LRRIQ3: variants seen among roughly 807,000 people sequenced by gnomAD.
The protein encoded by LRRIQ3 is leucine rich repeats and IQ motif containing 3, also known as leucine-rich repeat and IQ domain-containing protein 3.
Under a neutral mutation model 59.3 loss-of-function variants are expected in LRRIQ3, and 75 were observed. The observed-to-expected ratio is 1.26, with a 90% CI of 1.05 to 1.53. LRRIQ3 has a LOEUF of 1.53. Among genes scored for constraint, LRRIQ3 ranks in the 40% most tolerant of loss-of-function variants. The pLI, the probability that LRRIQ3 is intolerant of heterozygous loss-of-function variation, is 0.00. For synonymous variants in LRRIQ3, 250 were observed against 231.3 expected (o/e 1.08, Z -0.73); for missense variants, 831 against 710.0 (o/e 1.17, Z -1.94).
chr1:74,110,645 T>C (rs1646682525), intron 4 of LRRIQ3, among the ~76,000 whole-genome samples: 1 of 152,064 alleles, frequency 6.6e-6, no homozygotes. Context: ...ATTACCATTA[T>C]TATTCAATAG....
chr1:74,172,244 A>G (rs1447366077), intron 3 of LRRIQ3, among the ~76,000 whole-genome samples: 3 of 152,016 alleles, frequency 2.0e-5, no homozygotes, highest in Non-Finnish European at 2.9e-5. Flanking sequence ...CCCTTATCAT[A>G]CTGCTTTTAC....
intron 6 of LRRIQ3, among the ~76,000 whole-genome samples, chr1:74,043,590 A>C (rs1293266733): frequency 6.6e-6 from 1 of 152,156 alleles, no homozygotes; most frequent in African/African-American, 2.4e-5. Context: ...CTGAGGAGCC[A>C]AAGTGTCAAA....
intron 3 of LRRIQ3, among the ~76,000 whole-genome samples, chr1:74,169,450 T>C (rs1269012406): frequency 1.3e-5 from 2 of 152,204 alleles, no homozygotes; most frequent in East Asian, 1.9e-4. Flanking sequence ...CTGGATCATA[T>C]GATAGCTCTA....
At chr1:74,051,007 C>T (rs1255654541) in intron 6 of LRRIQ3, among the ~76,000 whole-genome samples, 5 of 152,134 alleles carry the variant, frequency 3.3e-5, no homozygotes, top group Non-Finnish European at 5.9e-5. Context: ...CATCTTACAT[C>T]TCACATGTAA....
intron 4 of LRRIQ3, among the ~76,000 whole-genome samples, chr1:74,151,311 G>C (rs1488396938): frequency 2.0e-5 from 3 of 152,212 alleles, no homozygotes; most frequent in African/African-American, 4.8e-5. Context: ...CTTTTTAAAG[G>C]CACTGTGGGA....
intron 3 of LRRIQ3, among the ~76,000 whole-genome samples, chr1:74,168,271 T>C (rs1437870584): frequency 6.6e-6 from 1 of 152,082 alleles, no homozygotes; most frequent in Non-Finnish European, 1.5e-5. Context: ...TATTGTTTAA[T>C]GCATCCCCAT....
intron 5 of LRRIQ3, among the ~76,000 whole-genome samples, chr1:74,103,423 T>C (rs1021993240): frequency 1.3e-5 from 2 of 151,882 alleles, no homozygotes; most frequent in Non-Finnish European, 1.5e-5. Flanking sequence ...AAAGGACAAT[T>C]TTTAGAGTAG....
At chr1:74,102,029 G>T (rs1434573192) in intron 5 of LRRIQ3, among the ~76,000 whole-genome samples, 1 of 151,166 alleles carries the variant, frequency 6.6e-6, no homozygotes, top group Non-Finnish European at 1.5e-5. Context: ...TGCACGTTGT[G>T]CACATGTACC....
intron 3 of LRRIQ3, among the ~76,000 whole-genome samples, chr1:74,165,832 A>G (rs1364306666): frequency 2.0e-5 from 3 of 151,074 alleles, no homozygotes; most frequent in Non-Finnish European, 3.0e-5. Flanking sequence ...AATTGGTATG[A>G]CATCTCTTCT....
chr1:74,176,038 C>T (rs934741277), intron 3 of LRRIQ3, among the ~76,000 whole-genome samples: 1 of 152,030 alleles, frequency 6.6e-6, no homozygotes, highest in African/African-American at 2.4e-5. Flanking sequence ...TTTCGTTTAC[C>T]CATATTTTTG....
At chr1:74,027,964 A>G (rs1346094426) in intron 7 of LRRIQ3, among the ~76,000 whole-genome samples, 1 of 151,962 alleles carries the variant, frequency 6.6e-6, no homozygotes, top group Non-Finnish European at 1.5e-5. Flanking sequence ...AGGGGAAGAT[A>G]AAAAAAAGTT....
intron 5 of LRRIQ3, among the ~76,000 whole-genome samples, chr1:74,088,659 A>G (rs1646358175): frequency 6.6e-6 from 1 of 152,028 alleles, no homozygotes; most frequent in Non-Finnish European, 1.5e-5. Context: ...ACACCACATG[A>G]AAATTAGCTC....
chr1:74,088,315 T>C (rs1439093598), intron 5 of LRRIQ3, among the ~76,000 whole-genome samples: 1 of 152,102 alleles, frequency 6.6e-6, no homozygotes, highest in African/African-American at 2.4e-5. Context: ...TTTATTATAA[T>C]GACATAAAAT....
At chr1:74,055,183 TATA>T (rs1654492276) in intron 6 of LRRIQ3, among the ~76,000 whole-genome samples, 1 of 2,956 alleles carries the variant, frequency 3.4e-4, no homozygotes, top group African/African-American at 4.8e-4. Context: ...ATACACTTTA[TATA>T]TATATATATA....
chr1:74,075,582 GA>G (rs980365680), intron 5 of LRRIQ3, among the ~76,000 whole-genome samples: 9 of 151,050 alleles, frequency 6.0e-5, no homozygotes, highest in African/African-American at 2.2e-4. Context: ...AAAAAAAAAA[GA>G]AAAGAAAAAG....
At chr1:74,185,283 T>C (rs1417899454) in intron 1 of LRRIQ3, among the ~76,000 whole-genome samples, 1 of 152,244 alleles carries the variant, frequency 6.6e-6, no homozygotes, top group Non-Finnish European at 1.5e-5. Context: ...AGAGATTTTA[T>C]TGCTCCACAA....
At chr1:74,192,876 ATTTTG>A (rs1570290987) in intron 1 of LRRIQ3, among the ~76,000 whole-genome samples, 1 of 152,108 alleles carries the variant, frequency 6.6e-6, no homozygotes, top group African/African-American at 2.4e-5. Flanking sequence ...GATTTTTCAT[ATTTTG>A]TTTTAACTAC....
intron 4 of LRRIQ3, among the ~76,000 whole-genome samples, chr1:74,140,446 T>C (rs1224831591): frequency 6.6e-6 from 1 of 151,800 alleles, no homozygotes. Context: ...TATAATGAAA[T>C]AATAATAATA....
chr1:74,054,758 C>A (rs4650244), intron 6 of LRRIQ3, among the ~76,000 whole-genome samples: 66,208 of 130,354 alleles, frequency 0.51, 16,059 homozygotes, highest in East Asian at 0.82. Flanking sequence ...ATATATATAT[C>A]TATATATCTA....
Sources: gnomAD v4.1 joint callset for allele counts (sites outside exome capture counted in the v4.1 genomes callset) on GRCh38, gnomAD v4.1.1 for gene constraint, MANE v1.5 for transcripts, NCBI Gene and HGNC (gene_info 2026-07-23, HGNC 2026-07-21) for gene names.